The following CDKN1A variants were observed in gnomAD, a reference collection of about 807,000 sequenced individuals.
CDKN1A encodes the protein cyclin-dependent kinase inhibitor 1.
In CDKN1A, 14 loss-of-function variants were observed where a neutral mutation model predicts 14.8. That is an observed-to-expected ratio of 0.94 (90% CI 0.62 to 1.48). The LOEUF is 1.48. CDKN1A is among the 40% of genes most tolerant of loss of function. The pLI is 0.00. For missense variants in CDKN1A, 203 were observed against 231.7 expected (o/e 0.88, Z 0.80); for synonymous variants, 92 against 93.5 (o/e 0.98, Z 0.09).
Position 36,686,530 on chromosome 6 carries a change from C to T in CDKN1A, c.*730C>T. Reference sequence around the variant, plus strand: ...CCCGTCTCAGTGTTGAGCCTTTTCCCTCTTTGGCTCCCCTGTACCTTTTGA... The same window carrying T: ...CCCGTCTCAGTGTTGAGCCTTTTCCTTCTTTGGCTCCCCTGTACCTTTTGA... On this transcript the variant is annotated 3_prime_UTR_variant, in exon 3 of 3. Coordinates refer to ENST00000244741, the MANE Select transcript of CDKN1A (RefSeq NM_000389.5). The surrounding 1 kb of genome is among the most constrained non-coding windows in gnomAD (Gnocchi z 4.9). The T allele has an allele frequency of 4.3e-6, 1 of 234,364 alleles. No homozygotes were observed. Among genetic ancestry groups the T allele is most frequent in the Non-Finnish European group, 8.4e-6 (1 of 118,640 alleles). The allele number at this position is 234,364 out of a possible 1,614,324, so 14.5% of individuals were successfully genotyped here.
intron 1 of CDKN1A, among the ~76,000 whole-genome samples, chr6:36,682,222 G>A (rs2150311173): frequency 6.6e-6 from 1 of 152,344 alleles, no homozygotes; most frequent in Admixed American, 6.5e-5. Context: ...AGCCTTGGTT[G>A]CCTCTTCTGT....
chr6:36,683,083 G>C (rs769233752), intron 1 of CDKN1A, among the ~76,000 whole-genome samples: 9 of 152,182 alleles, frequency 5.9e-5, no homozygotes, highest in Non-Finnish European at 8.8e-5. Context: ...GAAGTGATAG[G>C]GGGGAGGCTC....
chr6:36,684,376 G>C lies in CDKN1A; in HGVS notation c.275G>C (p.Gly92Ala), dbSNP rs1053091197. 1 of 1,613,280 alleles carries C rather than the reference G, an allele frequency of 6.2e-7. No homozygotes were observed. Residue 92 changes from glycine to alanine, a missense_variant, in exon 2 of 3, where the codon GGC becomes GCC. Coordinates refer to ENST00000244741, the MANE Select transcript of CDKN1A (RefSeq NM_000389.5). The surrounding 1 kb of genome is among the most constrained non-coding windows in gnomAD (Gnocchi z 6.0). The stretch of plus-strand genomic sequence containing the variant: ...CGAGGCCGGGATGAGTTGGGAGGAG[G>C]CAGGCGGCCTGGCACCTCACCTGCT... ...PRRGRDELGG[G>A]RRPGTSPALL...
intron 1 of CDKN1A, among the ~76,000 whole-genome samples, chr6:36,683,425 T>C (rs553757292): frequency 6.6e-6 from 1 of 152,350 alleles, no homozygotes; most frequent in African/African-American, 2.4e-5. Flanking sequence ...TTCTTGAGTA[T>C]GTGTCTGTAG....
At chr6:36,681,795 C>G (rs192519253) in intron 1 of CDKN1A, among the ~76,000 whole-genome samples, 2 of 151,958 alleles carry the variant, frequency 1.3e-5, no homozygotes, top group Non-Finnish European at 2.9e-5. Flanking sequence ...GGGGTTTCAC[C>G]GTGTTAGCCA....
chr6:36,677,833 G>A (rs761496318), upstream of CDKN1A: 23 of 1,354,510 alleles, frequency 1.7e-5, no homozygotes, highest in Non-Finnish European at 2.0e-6. Flanking sequence ...AGTGTATACG[G>A]GCTATGTGGG....
rs1428998185 is a variant in CDKN1A, at chr6:36,681,324, CTTTCTTTCTT to C, written c.-6+2538_-6+2547del. Among the ~76,000 whole-genome samples the C allele has an allele frequency of 2.2e-4, 26 of 116,528 alleles. 1 individual carries two copies. Among genetic ancestry groups the C allele is most frequent in the African/African-American group, 6.8e-4 (22 of 32,516 alleles). 76.4% of individuals were successfully genotyped at this position (116,528 alleles called of 152,430 possible). A position where few individuals can be genotyped will look rare whatever the true frequency, so the allele number is the denominator to read the frequency against. On this transcript the variant is annotated intron_variant, in intron 1 of 2. Coordinates refer to ENST00000244741, the MANE Select transcript of CDKN1A (RefSeq NM_000389.5). ...TCTTTCTTTCTTTCTTTCTTTCTTT[CTTTCTTTCTT>C]TTTCTTTCTTTCTTTCTTTTTCTTT...
At chr6:36,677,999 G>T, upstream of CDKN1A, 1 of 788,058 alleles carries the variant, frequency 1.3e-6, no homozygotes, top group Non-Finnish European at 1.9e-6. Flanking sequence ...AGATCAGGTT[G>T]CCCTTTTTTG....
At chr6:36,679,420 A>AG (rs1423248200) in intron 1 of CDKN1A, among the ~76,000 whole-genome samples, 2 of 152,268 alleles carry the variant, frequency 1.3e-5, no homozygotes, top group Admixed American at 1.3e-4. Flanking sequence ...CCGTCCCCTA[A>AG]GGACTAGCGA....
At chr6:36,679,288 C>A (rs1048432844) in intron 1 of CDKN1A, among the ~76,000 whole-genome samples, 1 of 152,222 alleles carries the variant, frequency 6.6e-6, no homozygotes, top group Non-Finnish European at 1.5e-5. Flanking sequence ...GCTCTGGGAT[C>A]CAATCTGCGC....
chr6:36,678,995 G>A lies in CDKN1A; in HGVS notation c.-6+197G>A. ...CGGCTTGCGCACACGGTGTCTCTAA[G>A]TGCGCGGGTGACGAGAGTCGGGATG... On this transcript the variant is annotated intron_variant, in intron 1 of 2. Coordinates refer to ENST00000244741, the MANE Select transcript of CDKN1A (RefSeq NM_000389.5). This position sits in a 1 kb window ranked among gnomAD's most constrained non-coding sequence, Gnocchi z 5.7. 4 of 983,504 alleles carry A rather than the reference G, an allele frequency of 4.1e-6. No individual in the cohort carries two copies. Among genetic ancestry groups the A allele is most frequent in the Non-Finnish European group, 4.8e-6 (4 of 829,102 alleles). The allele number at this position is 983,504 out of a possible 1,614,324, so 60.9% of individuals were successfully genotyped here. A position where few individuals can be genotyped will look rare whatever the true frequency, so the allele number is the denominator to read the frequency against.
intron 1 of CDKN1A, among the ~76,000 whole-genome samples, chr6:36,679,099 C>G (rs1761805791): frequency 6.6e-6 from 1 of 152,192 alleles, no homozygotes; most frequent in Non-Finnish European, 1.5e-5. Flanking sequence ...GGAAACCCAG[C>G]TGGGGCGAGG....
chr6:36,684,530 G>T lies in CDKN1A; in HGVS notation c.429G>T (p.Arg143=). Residue 143 remains arginine, a synonymous_variant, in exon 2 of 3, where the codon CGG becomes CGT. Coordinates refer to ENST00000244741, the MANE Select transcript of CDKN1A (RefSeq NM_000389.5). This position sits in a 1 kb window ranked among gnomAD's most constrained non-coding sequence, Gnocchi z 6.0. ...GPGDSQGRKR[R]QTSMTDFYHS... ...GAGACTCTCAGGGTCGAAAACGGCG[G>T]CAGACCAGCATGACAGGTGCGGACA... 1 of 1,614,142 alleles carries T rather than the reference G, an allele frequency of 6.2e-7. No individual in the cohort carries two copies. The highest frequency in any genetic ancestry group is 8.5e-7 in the Non-Finnish European group (1 of 1,180,012).
intron 1 of CDKN1A, among the ~76,000 whole-genome samples, chr6:36,681,301 T>TTTCC (rs1562038089): frequency 8.3e-6 from 1 of 120,344 alleles, no homozygotes; most frequent in African/African-American, 3.2e-5. Flanking sequence ...TCTTTCTTTC[T>TTTCC]TTCTTTCTTT....
chr6:36,681,276 CTTTTTTTCTTTCTT>C (rs1562037949), intron 1 of CDKN1A, among the ~76,000 whole-genome samples: 4 of 105,506 alleles, frequency 3.8e-5, no homozygotes, highest in Admixed American at 2.0e-4. Flanking sequence ...TTCTTTCTTT[CTTTTTTTCTTTCTT>C]TCTTTCTTTC....
intron 1 of CDKN1A, among the ~76,000 whole-genome samples, chr6:36,683,018 G>A (rs1335341991): frequency 1.3e-5 from 2 of 152,154 alleles, no homozygotes; most frequent in East Asian, 1.9e-4. Flanking sequence ...CTTGGGAAAG[G>A]CCCTCAGCCT....
chr6:36,682,441 G>T (rs1044450724), intron 1 of CDKN1A, among the ~76,000 whole-genome samples: 1 of 152,172 alleles, frequency 6.6e-6, no homozygotes, highest in Non-Finnish European at 1.5e-5. Context: ...ATGACTCAGG[G>T]GCAAGTCTCA....
chr6:36,686,455 A>G lies in CDKN1A; in HGVS notation c.*655A>G, dbSNP rs941387040. On this transcript the variant is annotated 3_prime_UTR_variant, in exon 3 of 3. Transcript: ENST00000244741. This position sits in a 1 kb window ranked among gnomAD's most constrained non-coding sequence, Gnocchi z 4.9. The stretch of plus-strand genomic sequence containing the variant: ...AGGCAGGGGGAAGGTGGGGTCCTGG[A>G]GCAGACCACCCCGCCTGCCCTCATG... The G allele has an allele frequency of 2.1e-5, 5 of 239,410 alleles. No individual in the cohort carries two copies. The highest frequency in any genetic ancestry group is 1.6e-4 in the South Asian group (1 of 6,102). The allele number at this position is 239,410 out of a possible 1,614,324, so 14.8% of individuals were successfully genotyped here.
In CDKN1A at chr6:36,684,301, G is replaced by C. The variant is rs45548832; in HGVS notation, c.200G>C (p.Arg67Pro). The C allele has an allele frequency of 1.2e-6, 2 of 1,613,256 alleles. No individual in the cohort carries two copies. The highest frequency in any genetic ancestry group is 1.7e-6 in the Non-Finnish European group (2 of 1,179,980). ...CTGGAGGGTGACTTCGCCTGGGAGC[G>C]TGTGCGGGGCCTTGGCCTGCCCAAG... ...TPLEGDFAWE[R>P]VRGLGLPKLY... is the part of the protein sequence containing the mutation. The change falls in exon 2 of 3, where the codon CGT (arginine) becomes CCT (proline). Residue 67 changes from arginine (R) to proline (P), a missense_variant. Transcript: ENST00000244741. This position sits in a 1 kb window ranked among gnomAD's most constrained non-coding sequence, Gnocchi z 6.0.
Sources: gnomAD v4.1 joint callset for allele counts (sites outside exome capture counted in the v4.1 genomes callset) on GRCh38, gnomAD v4.1.1 for gene constraint, Gnocchi (gnomAD v3.1) non-coding constraint, MANE v1.5 for transcripts, NCBI Gene and HGNC (gene_info 2026-07-23, HGNC 2026-07-21) for gene names.